DNAH8: variants seen among roughly 807,000 people sequenced by gnomAD.
DNAH8 encodes the protein dynein axonemal heavy chain 8.
A neutral mutation model predicts 562.1 loss-of-function variants in DNAH8; 382 were observed. That is an observed-to-expected ratio of 0.68 (90% CI 0.63 to 0.74). DNAH8 has a LOEUF of 0.74. Among genes scored for constraint, DNAH8 ranks in the 30% least tolerant of loss-of-function variants. DNAH8 has a pLI of 0.00. For synonymous variants in DNAH8, 1,881 were observed against 1,919.4 expected (o/e 0.98, Z 0.52); for missense variants, 5,203 against 5,620.4 (o/e 0.93, Z 2.37).
At chr6:38,866,433 A>G (rs1436671979) in intron 45 of DNAH8, among the ~76,000 whole-genome samples, 158 bp from the exon 46 acceptor site, 1 of 152,224 alleles carries the variant, frequency 6.6e-6, no homozygotes, top group Non-Finnish European at 1.5e-5. Flanking sequence ...ATTAATATAC[A>G]TGGTCTAATA....
intron 7 of DNAH8, among the ~76,000 whole-genome samples, chr6:38,740,639 G>A (rs1000370515): frequency 2.2e-4 from 34 of 151,360 alleles, no homozygotes; most frequent in African/African-American, 7.8e-4. Context: ...TTTTGAGACA[G>A]GGTCTCATTC....
intron 32 of DNAH8, among the ~76,000 whole-genome samples, chr6:38,836,827 A>T (rs931119680): frequency 6.6e-6 from 1 of 152,072 alleles, no homozygotes; most frequent in Non-Finnish European, 1.5e-5. Context: ...CCTGTTGACA[A>T]AGCTGATACT....
intron 68 of DNAH8, among the ~76,000 whole-genome samples, chr6:38,915,875 C>G (rs896506071): frequency 1.3e-5 from 2 of 151,954 alleles, no homozygotes; most frequent in Non-Finnish European, 2.9e-5. Flanking sequence ...CACATACATA[C>G]ACATATATGT....
intron 62 of DNAH8, among the ~76,000 whole-genome samples, chr6:38,905,691 CT>C (rs1412459921): frequency 6.6e-6 from 1 of 152,120 alleles, no homozygotes; most frequent in African/African-American, 2.4e-5. Flanking sequence ...TTGTGGATCA[CT>C]TTTGGTAAGT....
chr6:38,935,635 T>G lies in DNAH8; in HGVS notation c.11501T>G (p.Phe3834Cys), dbSNP rs1455545677. ...ERVKLLEDVT[F>C]NKRKMKELED... is the part of the protein sequence containing the mutation. ...GTTAAACTTTTGGAGGATGTTACTTTTAATAAGCGGAAGATGAAAGAACTT... is the reference window on the plus strand; with the variant it reads ...GTTAAACTTTTGGAGGATGTTACTTGTAATAAGCGGAAGATGAAAGAACTT... Residue 3834 changes from phenylalanine (F) to cysteine (C), a missense_variant, in exon 77 of 93, where the codon TTT becomes TGT. Around this residue, in one of 6 missense-constraint regions of DNAH8, gnomAD observed 1,399 missense variants for 1,518.4 expected, o/e 0.92. Transcript: ENST00000327475. 1 of 1,613,492 alleles carries G rather than the reference T, an allele frequency of 6.2e-7. No individual in the cohort carries two copies. The highest frequency in any genetic ancestry group is 2.2e-5 in the East Asian group (1 of 44,784).
intron 68 of DNAH8, among the ~76,000 whole-genome samples, chr6:38,916,059 T>C (rs977767331): frequency 3.3e-5 from 5 of 152,302 alleles, no homozygotes; most frequent in Middle Eastern, 3.4e-3. Flanking sequence ...CCTTAAAGAA[T>C]CAATGTGAGC....
At position 38,826,219 on chromosome 6, in the gene DNAH8, T is replaced by C; in HGVS notation, c.3911T>C (p.Leu1304Pro). Residue 1304 changes from leucine (L) to proline (P), a missense_variant, in exon 29 of 93, where the codon CTG becomes CCG. Transcript: ENST00000327475. ...KAWKMLLCRY[L>P]NEEYKKKMSY... ...TGGAAGATGTTACTCTGTCGATATCTGAATGAAGAATACAAAAAGAAAATG... is the reference window on the plus strand; with the variant it reads ...TGGAAGATGTTACTCTGTCGATATCCGAATGAAGAATACAAAAAGAAAATG... 1 of 1,613,728 alleles carries C rather than the reference T, an allele frequency of 6.2e-7. No individual in the cohort carries two copies. Among genetic ancestry groups the C allele is most frequent in the Non-Finnish European group, 8.5e-7 (1 of 1,179,854 alleles).
chr6:38,911,643 T>C (rs930507633), intron 66 of DNAH8, 57 bp downstream of exon 66: 1 of 1,176,144 alleles, frequency 8.5e-7, no homozygotes, highest in Non-Finnish European at 1.2e-6. Flanking sequence ...TTGATAGGGA[T>C]CTCAATATTT....
intron 57 of DNAH8, among the ~76,000 whole-genome samples, 171 bp from the exon 58 acceptor site, chr6:38,890,481 G>GT (rs1779267252): frequency 6.6e-6 from 1 of 152,112 alleles, no homozygotes; most frequent in African/African-American, 2.4e-5. Flanking sequence ...TTATCACTGC[G>GT]TACTAAGCTT....
chr6:38,739,988 A>AT (rs1327563577), intron 7 of DNAH8, among the ~76,000 whole-genome samples: 2 of 151,988 alleles, frequency 1.3e-5, no homozygotes, highest in East Asian at 1.9e-4. Flanking sequence ...TTAATAGTCC[A>AT]TTTTTTTCTA....
intron 26 of DNAH8, among the ~76,000 whole-genome samples, chr6:38,819,295 G>A (rs1772598362): frequency 6.6e-6 from 1 of 152,200 alleles, no homozygotes; most frequent in African/African-American, 2.4e-5. Context: ...CAGGATAATG[G>A]TTGCCTCTGG....
rs1427612873 is a variant in DNAH8, at chr6:38,737,074, T to C, written c.770T>C (p.Leu257Pro). 1.3e-6 allele frequency: 2 copies of C among 1,523,824 alleles called. No homozygotes were observed. The highest frequency in any genetic ancestry group is 1.7e-6 in the Non-Finnish European group (2 of 1,144,202). The allele number at this position is 1,523,824 out of a possible 1,614,324, so 94.4% of individuals were successfully genotyped here. A position where few individuals can be genotyped will look rare whatever the true frequency, so the allele number is the denominator to read the frequency against. The change falls in exon 6 of 93, where the codon CTC (leucine) becomes CCC (proline). Residue 257 changes from leucine to proline, a missense_variant. By Grantham distance (98) the Leu-to-Pro change is moderately conservative. Around this residue, in one of 6 missense-constraint regions of DNAH8, gnomAD observed 556 missense variants for 496.9 expected, o/e 1.12. Coordinates refer to ENST00000327475, the MANE Select transcript of DNAH8 (RefSeq NM_001206927.2). ...TAAACTCCACCCTTTCAGGAAGCGC[T>C]CTTTACTGTTCTGGATGCGTCGAAA... is the stretch of plus-strand genomic sequence containing the variant. ...INVKTIQEEA[L>P]FTVLDASKGL...
At chr6:38,815,153 C>T (rs1399349119) in intron 25 of DNAH8, among the ~76,000 whole-genome samples, 2 of 152,192 alleles carry the variant, frequency 1.3e-5, no homozygotes, top group African/African-American at 4.8e-5. Flanking sequence ...TTCTGCCACC[C>T]TCATGGGGAA....
chr6:38,938,428 A>G (rs1267720327), intron 78 of DNAH8, among the ~76,000 whole-genome samples: 2 of 152,222 alleles, frequency 1.3e-5, no homozygotes, highest in African/African-American at 4.8e-5. Flanking sequence ...GAATGAACTC[A>G]TGTCCTTTGC....
At chr6:38,945,228 C>T (rs559105974) in intron 79 of DNAH8, among the ~76,000 whole-genome samples, 4 of 152,030 alleles carry the variant, frequency 2.6e-5, no homozygotes, top group Non-Finnish European at 5.9e-5. Flanking sequence ...AAATTCTTTG[C>T]AGGGAAAAAT....
intron 63 of DNAH8, among the ~76,000 whole-genome samples, chr6:38,906,745 G>C (rs1321837181): frequency 6.6e-6 from 1 of 152,086 alleles, no homozygotes; most frequent in Non-Finnish European, 1.5e-5. Context: ...AGTTGTAAAT[G>C]GATGTCTGTA....
intron 18 of DNAH8, among the ~76,000 whole-genome samples, chr6:38,787,695 CAAAAAAAAAAAA>C (rs67293877): frequency 0.072 from 5,716 of 79,900 alleles, 199 homozygotes; most frequent in Non-Finnish European, 0.091. Context: ...GACTCCATCT[CAAAAAAAAAAAA>C]AAAAAAAAAA....
At chr6:38,825,913 C>T (rs1773275419) in intron 28 of DNAH8, among the ~76,000 whole-genome samples, 1 of 152,166 alleles carries the variant, frequency 6.6e-6, no homozygotes, top group East Asian at 1.9e-4. Flanking sequence ...AAAAATGCTC[C>T]CCCATGGGCT....
At chr6:38,795,932 C>T (rs1770213196) in intron 21 of DNAH8, among the ~76,000 whole-genome samples, 1 of 152,200 alleles carries the variant, frequency 6.6e-6, no homozygotes, top group Non-Finnish European at 1.5e-5. Context: ...TTGGCGCATC[C>T]AAGGGTGGTT....
Sources: gnomAD v4.1 joint callset for allele counts (sites outside exome capture counted in the v4.1 genomes callset) on GRCh38, gnomAD v4.1.1 for gene constraint, gnomAD v4.1.1 regional missense constraint, MANE v1.5 for transcripts, NCBI Gene and HGNC (gene_info 2026-07-23, HGNC 2026-07-21) for gene names.